The following ARID4A variants were observed in gnomAD, a reference collection of about 807,000 sequenced individuals.
The protein encoded by ARID4A is AT-rich interaction domain 4A.
Under a neutral mutation model 148.6 loss-of-function variants are expected in ARID4A, and 39 were observed. The observed-to-expected ratio is 0.26, with a 90% confidence interval of 0.20 to 0.34. ARID4A has a LOEUF of 0.34. Ranked by LOEUF, ARID4A falls within the 10% of genes least tolerant of loss-of-function variation. The pLI is 1.00. For missense variants in ARID4A, 1,265 were observed against 1,449.1 expected (o/e 0.87, Z 2.06); for synonymous variants, 475 against 481.2 (o/e 0.99, Z 0.17).
intron 17 of ARID4A, among the ~76,000 whole-genome samples, chr14:58,358,306 G>A (rs969558027): frequency 6.6e-6 from 1 of 151,782 alleles, no homozygotes; most frequent in African/African-American, 2.4e-5. Context: ...CCGTCTCTAC[G>A]AAAAATAAAA....
At chr14:58,311,351 A>G (rs181632668) in intron 5 of ARID4A, among the ~76,000 whole-genome samples, 2 of 152,360 alleles carry the variant, frequency 1.3e-5, no homozygotes, top group African/African-American at 4.8e-5. Context: ...CAACATCAGT[A>G]ATCATCAGGG....
Position 58,304,997 on chromosome 14 carries a change from G to C in ARID4A, c.171G>C (p.Lys57Asn). Residue 57 changes from lysine to asparagine, a missense_variant, in exon 4 of 24, where the codon AAG becomes AAC. Transcript: ENST00000355431. ...AATTGGTACAAGATGACCAAGTAAAGGGTCCTTTAAGAGTATGTATGTTGT... is the reference window on the plus strand; with the variant it reads ...AATTGGTACAAGATGACCAAGTAAACGGTCCTTTAAGAGTATGTATGTTGT... ...TTQLVQDDQV[K>N]GPLRVGAIVE... 6.2e-7 allele frequency: 1 copy of C among 1,605,484 alleles called. No homozygotes were observed. Among genetic ancestry groups the C allele is most frequent in the Non-Finnish European group, 8.5e-7 (1 of 1,176,736 alleles).
intron 2 of ARID4A, 58 bp from the exon 3 acceptor site, chr14:58,301,522 G>A (rs2031167495): frequency 2.0e-5 from 24 of 1,181,282 alleles, no homozygotes; most frequent in Non-Finnish European, 2.9e-5. Context: ...AATGAGACTT[G>A]AGGTTGGAGT....
At chr14:58,328,197 C>A in intron 8 of ARID4A, 40 bp from the exon 9 acceptor site, 1 of 1,383,022 alleles carries the variant, frequency 7.2e-7, no homozygotes, top group Non-Finnish European at 1.0e-6. Context: ...TTTCTGAGCA[C>A]AGGAAATAGG....
In ARID4A at chr14:58,303,304, C is replaced by T. The variant is rs1403780881; in HGVS notation, c.117+1614C>T. Among the ~76,000 whole-genome samples, 8 of 152,216 alleles carry T rather than the reference C, an allele frequency of 5.3e-5. No individual in the cohort carries two copies. The East Asian group carries it at 9.7e-4, about 18-fold the overall frequency. On this transcript the variant is annotated intron_variant, in intron 3 of 23. Transcript: ENST00000355431. The stretch of plus-strand genomic sequence containing the variant: ...TTCATTTCTTTGTGTTGGGAATATT[C>T]AGTATCCTCCTCTTAGCCATTTGAA...
rs759517007 is a variant in ARID4A at position 58,353,772 on chromosome 14, AAT to A, written c.1771_1772del (p.Ile591LeufsTer2). 1 of 1,614,078 alleles carries A rather than the reference AAT, an allele frequency of 6.2e-7. No individual in the cohort carries two copies. Among genetic ancestry groups the A allele is most frequent in the Non-Finnish European group, 8.5e-7 (1 of 1,179,986 alleles). On this transcript the variant is annotated frameshift_variant, in exon 17 of 24. Transcript: ENST00000355431. LOFTEE classifies it high-confidence loss of function. Reference protein sequence around the residue: ...VKYGRGKTQKIYEASIKSTEI... With the variant: ...VKYGRGKTQKXYEASIKSTEI... Reference sequence around the variant, plus strand: ...AATATGGACGAGGGAAGACTCAGAAAATTTATGAAGCCAGTATTAAAAGCACT... The same window carrying A: ...AATATGGACGAGGGAAGACTCAGAAATTATGAAGCCAGTATTAAAAGCACT...
At chr14:58,305,896 A>C (rs2031562582) in intron 4 of ARID4A, 126 bp from the exon 5 acceptor site, 6 of 675,494 alleles carry the variant, frequency 8.9e-6, no homozygotes, top group Admixed American at 7.7e-5. Context: ...TAAAGATCTC[A>C]GACAGTGTAA....
intron 8 of ARID4A, 88 bp downstream of exon 8, chr14:58,323,705 A>G: frequency 7.9e-7 from 1 of 1,259,192 alleles, no homozygotes; most frequent in Admixed American, 2.2e-5. Context: ...ATATTTTGAA[A>G]GTATTAAACA....
At chr14:58,340,044 GAC>G (rs1225142892) in intron 11 of ARID4A, among the ~76,000 whole-genome samples, 1 of 152,142 alleles carries the variant, frequency 6.6e-6, no homozygotes, top group Non-Finnish European at 1.5e-5. Context: ...TTTGGATGGG[GAC>G]ACAGAGCCAA....
chr14:58,305,061 A>T, intron 4 of ARID4A, 52 bp downstream of exon 4: 1 of 1,394,000 alleles, frequency 7.2e-7, no homozygotes, highest in Non-Finnish European at 9.8e-7. Context: ...TTTATACCAT[A>T]TTTACTGAAT....
chr14:58,322,834 C>A (rs528333656), intron 7 of ARID4A, among the ~76,000 whole-genome samples: 1 of 150,872 alleles, frequency 6.6e-6, no homozygotes, highest in East Asian at 2.0e-4. Flanking sequence ...TGGTGGCATG[C>A]GCCTGTAATC....
chr14:58,345,980 C>T (rs1016150832), intron 12 of ARID4A, among the ~76,000 whole-genome samples: 4 of 151,486 alleles, frequency 2.6e-5, no homozygotes, highest in Non-Finnish European at 1.5e-5. Context: ...AAGTGATCTT[C>T]CTGCCTTAGC....
At chr14:58,366,002 C>T (rs534490116) in intron 21 of ARID4A, 22 bp from the exon 22 acceptor site, 5 of 1,549,850 alleles carry the variant, frequency 3.2e-6, no homozygotes, top group Non-Finnish European at 3.5e-6. Flanking sequence ...TAATCTGAGT[C>T]AATCTTTTTT....
chr14:58,330,156 C>T lies in ARID4A; in HGVS notation c.893C>T (p.Thr298Ile), dbSNP rs2033440687. ...GAGAAGGAAAAGGAGGCCAAAAAGA[C>T]AGAAGAAGAGGTGGTAGGTGTAATT... ...DEEKEKEAKK[T>I]EEEVPEEELD... Residue 298 changes from threonine (T) to isoleucine (I), a missense_variant, in exon 11 of 24, where the codon ACA (threonine) becomes ATA (isoleucine). Around this residue, in one of 9 missense-constraint regions of ARID4A, gnomAD observed 249 missense variants for 277.2 expected, o/e 0.90. Coordinates refer to ENST00000355431, the MANE Select transcript of ARID4A (RefSeq NM_002892.4). The T allele has an allele frequency of 6.2e-7, 1 of 1,611,720 alleles. No homozygotes were observed. The highest frequency in any genetic ancestry group is 8.5e-7 in the Non-Finnish European group (1 of 1,179,408).
chr14:58,304,126 A>G (rs1390106021), intron 3 of ARID4A, among the ~76,000 whole-genome samples: 6 of 151,940 alleles, frequency 3.9e-5, no homozygotes, highest in Non-Finnish European at 8.8e-5. Flanking sequence ...AAATAGATGT[A>G]TCTATGATTA....
At chr14:58,371,183 A>T (rs1262973631) in intron 23 of ARID4A, among the ~76,000 whole-genome samples, 1 of 152,160 alleles carries the variant, frequency 6.6e-6, no homozygotes, top group Non-Finnish European at 1.5e-5. Context: ...TGGAAGGCTG[A>T]GGCAGGAGGG....
chr14:58,325,209 CCTCTTAAATAT>C (rs1430208862), intron 8 of ARID4A, among the ~76,000 whole-genome samples: 4 of 152,112 alleles, frequency 2.6e-5, no homozygotes, highest in African/African-American at 9.7e-5. Flanking sequence ...TTCTTCATCC[CCTCTTAAATAT>C]CTCTTAAAGT....
At chr14:58,304,747 G>A (rs994460069) in intron 3 of ARID4A, among the ~76,000 whole-genome samples, 197 bp from the exon 4 acceptor site, 3 of 152,042 alleles carry the variant, frequency 2.0e-5, no homozygotes, top group Non-Finnish European at 4.4e-5. Flanking sequence ...GCTAACTGTT[G>A]GGGATATAGC....
chr14:58,364,253 G>GA lies in ARID4A; in HGVS notation c.2171dup (p.Asn724LysfsTer2). The GA allele has an allele frequency of 1.3e-6, 2 of 1,537,548 alleles. No individual in the cohort carries two copies. Among genetic ancestry groups the GA allele is most frequent in the Non-Finnish European group, 1.7e-6 (2 of 1,151,246 alleles). On this transcript the variant is annotated frameshift_variant, in exon 20 of 24. Coordinates refer to ENST00000355431, the MANE Select transcript of ARID4A (RefSeq NM_002892.4). LOFTEE classifies it high-confidence loss of function. ...AGAACTTTCTCTTAAAGATGAACTAGAAAAAAATGAAAATTTGAATGATGA... is the reference window on the plus strand; with the variant it reads ...AGAACTTTCTCTTAAAGATGAACTAGAAAAAAAATGAAAATTTGAATGATGA...
Sources: allele counts gnomAD v4.1 joint callset (sites outside exome capture counted in the v4.1 genomes callset), GRCh38; gene constraint gnomAD v4.1.1; regional missense constraint gnomAD v4.1.1; transcripts MANE v1.5; gene names NCBI Gene and HGNC (gene_info 2026-07-23, HGNC 2026-07-21).